Variants in TTC28 observed in about 807,000 individuals in gnomAD.
TTC28 encodes tetratricopeptide repeat domain 28, also known as tetratricopeptide repeat protein 28.
A neutral mutation model predicts 198.0 loss-of-function variants in TTC28; 61 were observed. The ratio of observed to expected loss-of-function variants is 0.31; its 90% CI spans 0.25 to 0.38. The LOEUF is 0.38. Among genes scored for constraint, TTC28 ranks in the 10% least tolerant of loss-of-function variants. The probability of loss-of-function intolerance (pLI) is 1.00; values close to 1 mark genes in which losing one functional copy is unlikely to be tolerated. For synonymous variants in TTC28, 1,171 were observed against 1,297.8 expected (o/e 0.90, Z 2.10); for missense variants, 2,678 against 3,164.0 (o/e 0.85, Z 3.69).
Position 28,220,574 on chromosome 22 carries a change from C to G in TTC28, c.934-56975G>C, listed in dbSNP as rs547756919. ...CAGCTCCTCAAAGCCACCTGAAGTT[C>G]TTTGCCACATGGGGTTCCCCAATAT... On this transcript the variant is annotated intron_variant, in intron 5 of 22. Coordinates refer to ENST00000397906, the MANE Select transcript of TTC28 (RefSeq NM_001145418.2). Among the ~76,000 whole-genome samples the G allele has an allele frequency of 1.6e-4, 24 of 152,308 alleles. No homozygotes were observed. The South Asian group carries it at 5.0e-3, about 32-fold the overall frequency.
At chr22:28,658,689 A>G (rs771717093) in intron 1 of TTC28, among the ~76,000 whole-genome samples, 2 of 152,230 alleles carry the variant, frequency 1.3e-5, no homozygotes, top group Non-Finnish European at 2.9e-5. Flanking sequence ...GTAATTTGAC[A>G]TACATTTTAC....
chr22:28,215,120 C>G (rs900128476), intron 5 of TTC28, among the ~76,000 whole-genome samples: 21 of 151,270 alleles, frequency 1.4e-4, no homozygotes, highest in Admixed American at 1.4e-3. Flanking sequence ...CATCACACAC[C>G]GGGGCCTGTG....
chr22:28,477,379 A>G (rs1227248586), intron 2 of TTC28, among the ~76,000 whole-genome samples: 1 of 152,190 alleles, frequency 6.6e-6, no homozygotes, highest in Admixed American at 6.5e-5. Flanking sequence ...TCCATAAGAC[A>G]TTGAATGAAT....
Position 28,352,383 on chromosome 22 carries a change from T to C in TTC28, c.382-45740A>G, listed in dbSNP as rs145925264. On this transcript the variant is annotated intron_variant, in intron 2 of 22. Coordinates refer to ENST00000397906, the MANE Select transcript of TTC28 (RefSeq NM_001145418.2). ...TGCAGTCAGTACAGCAAATATGGTA[T>C]ATAGGGCTATTGTGGAAAGGCACAG... Among the ~76,000 whole-genome samples the C allele has an allele frequency of 1.7e-4, 26 of 151,754 alleles. No homozygotes were observed. The East Asian group carries it at 5.0e-3, about 29-fold the overall frequency.
At chr22:28,243,355 T>TCAAAA (rs377564604) in intron 5 of TTC28, among the ~76,000 whole-genome samples, 2,113 of 150,778 alleles carry the variant, frequency 0.014, 30 homozygotes, top group African/African-American at 0.038. Context: ...AGACCCCGTC[T>TCAAAA]CAAAACAAAA....
At chr22:28,521,473 G>C (rs2048907931) in intron 2 of TTC28, among the ~76,000 whole-genome samples, 1 of 152,110 alleles carries the variant, frequency 6.6e-6, no homozygotes, top group African/African-American at 2.4e-5. Flanking sequence ...GCTACGATTA[G>C]AAAAGCCAAG....
intron 12 of TTC28, among the ~76,000 whole-genome samples, chr22:28,084,131 A>C (rs5752692): frequency 0.14 from 20,738 of 152,216 alleles, 1,851 homozygotes; most frequent in South Asian, 0.38. Context: ...TGCAGTCTTA[A>C]ATGTCCCGGT....
intron 14 of TTC28, chr22:28,006,387 T>A (rs1199549438): frequency 1.3e-5 from 2 of 152,222 alleles, no homozygotes; most frequent in Non-Finnish European, 2.9e-5. Context: ...AAATGCGAAT[T>A]TACAACTGTC....
At chr22:28,669,842 T>C (rs1190471402) in intron 1 of TTC28, among the ~76,000 whole-genome samples, 4 of 152,206 alleles carry the variant, frequency 2.6e-5, no homozygotes, top group African/African-American at 9.7e-5. Flanking sequence ...TATTCTACTA[T>C]TTCCCAAAAT....
intron 2 of TTC28, among the ~76,000 whole-genome samples, chr22:28,538,702 GGC>G (rs1160363170): frequency 1.3e-4 from 19 of 151,732 alleles, no homozygotes; most frequent in Non-Finnish European, 2.4e-4. Context: ...TGGGATTACA[GGC>G]GTGCGCCACC....
intron 2 of TTC28, among the ~76,000 whole-genome samples, chr22:28,351,610 C>T (rs73168160): frequency 0.04 from 6,062 of 152,222 alleles, 179 homozygotes; most frequent in Non-Finnish European, 0.062. Context: ...ATGGGGCCAG[C>T]AGATGTTCAT....
At chr22:28,660,493 T>A (rs972884343) in intron 1 of TTC28, among the ~76,000 whole-genome samples, 1 of 152,054 alleles carries the variant, frequency 6.6e-6, no homozygotes, top group African/African-American at 2.4e-5. Flanking sequence ...ACCCGGCTAA[T>A]TTTTTGTTTT....
intron 2 of TTC28, among the ~76,000 whole-genome samples, chr22:28,539,230 C>T (rs763276288): frequency 2.6e-5 from 4 of 151,940 alleles, no homozygotes; most frequent in East Asian, 1.9e-4. Context: ...GAGAGGAAGG[C>T]GGGGGCTGAC....
At chr22:28,570,455 C>T (rs1217609995) in intron 2 of TTC28, among the ~76,000 whole-genome samples, 1 of 152,134 alleles carries the variant, frequency 6.6e-6, no homozygotes, top group East Asian at 1.9e-4. Context: ...GAACAGAAAA[C>T]CAAATACCAC....
At chr22:28,520,348 G>T (rs1423509025) in intron 2 of TTC28, among the ~76,000 whole-genome samples, 1 of 152,180 alleles carries the variant, frequency 6.6e-6, no homozygotes, top group Admixed American at 6.5e-5. Context: ...CTCCAAAACT[G>T]TCCCCTCTTA....
At chr22:28,567,703 G>A (rs1305735759) in intron 2 of TTC28, among the ~76,000 whole-genome samples, 1 of 151,382 alleles carries the variant, frequency 6.6e-6, no homozygotes, top group Non-Finnish European at 1.5e-5. Flanking sequence ...CCTTTCTCGG[G>A]AAGCTGCTTG....
At chr22:28,598,127 C>T (rs747655871) in intron 2 of TTC28, among the ~76,000 whole-genome samples, 1 of 152,102 alleles carries the variant, frequency 6.6e-6, no homozygotes, top group Non-Finnish European at 1.5e-5. Context: ...AATCGTTTTC[C>T]GTAAAACAGG....
chr22:28,414,401 T>G (rs1380769368), intron 2 of TTC28, among the ~76,000 whole-genome samples: 1 of 152,182 alleles, frequency 6.6e-6, no homozygotes, highest in Admixed American at 6.5e-5. Context: ...GCCCAGTGTG[T>G]CATGTTCTAG....
At chr22:27,984,456 C>G (rs1257089898) in intron 22 of TTC28, among the ~76,000 whole-genome samples, 1 of 152,096 alleles carries the variant, frequency 6.6e-6, no homozygotes, top group African/African-American at 2.4e-5. Flanking sequence ...CCCTCCTCCA[C>G]AGGCCCCTCC....
Sources: allele counts gnomAD v4.1 joint callset (sites outside exome capture counted in the v4.1 genomes callset), GRCh38; gene constraint gnomAD v4.1.1; transcripts MANE v1.5; gene names NCBI Gene and HGNC (gene_info 2026-07-23, HGNC 2026-07-21).